The following ASIC2 variants were observed in gnomAD, a reference collection of about 807,000 sequenced individuals.
ASIC2 encodes the protein acid sensing ion channel subunit 2.
Under a neutral mutation model 57.3 loss-of-function variants are expected in ASIC2, and 25 were observed. The observed-to-expected ratio is 0.44, with a 90% CI of 0.32 to 0.61. The LOEUF is 0.61. Among genes scored for constraint, ASIC2 ranks in the 20% least tolerant of loss-of-function variants. The pLI, the probability that ASIC2 is intolerant of heterozygous loss-of-function variation, is 0.06. For missense variants in ASIC2, 641 were observed against 738.1 expected (o/e 0.87, Z 1.52); for synonymous variants, 319 against 307.5 (o/e 1.04, Z -0.39).
At chr17:33,965,208 C>T (rs73276641) in intron 1 of ASIC2, among the ~76,000 whole-genome samples, 11,088 of 152,220 alleles carry the variant, frequency 0.073, 520 homozygotes, top group East Asian at 0.13. Context: ...TATAGATGAG[C>T]AAATCAAGGT....
In ASIC2 at chr17:34,051,223, G is replaced by A. The variant is rs530596724; in HGVS notation, c.555+104755C>T. Reference sequence around the variant, plus strand: ...TCATGGCAGCAAGCAAACTGGTGACGTGTGACTCCTCTTTAATCCTCTTAG... The same window carrying A: ...TCATGGCAGCAAGCAAACTGGTGACATGTGACTCCTCTTTAATCCTCTTAG... On this transcript the variant is annotated intron_variant, in intron 1 of 9. Coordinates refer to the ASIC2 transcript ENST00000359872. 3.9e-5 allele frequency among the ~76,000 whole-genome samples: 6 copies of A among 152,254 alleles called. No homozygotes were observed. The East Asian group carries it at 5.8e-4, about 15-fold the overall frequency.
intron 1 of ASIC2, among the ~76,000 whole-genome samples, chr17:33,246,990 T>C (rs1253560155): frequency 6.6e-6 from 1 of 152,184 alleles, no homozygotes; most frequent in African/African-American, 2.4e-5. Flanking sequence ...AAAAAAGATG[T>C]AGTTAGCTCC....
chr17:34,069,940 A>C (rs1053542436), intron 1 of ASIC2: 2 of 152,150 alleles, frequency 1.3e-5, no homozygotes, highest in Admixed American at 1.3e-4. Flanking sequence ...TCCGTGACTC[A>C]GTGCCCAAAT....
chr17:33,282,030 T>C (rs375137795), intron 1 of ASIC2, among the ~76,000 whole-genome samples: 2 of 152,238 alleles, frequency 1.3e-5, no homozygotes, highest in African/African-American at 4.8e-5. Flanking sequence ...ACTAGATGCA[T>C]GTTTGTTACA....
chr17:34,120,722 C>CTTTTTTTTTTTTTTTTTTT (rs142959293), intron 1 of ASIC2, among the ~76,000 whole-genome samples: 10 of 94,644 alleles, frequency 1.1e-4, no homozygotes, highest in Non-Finnish European at 7.8e-5. Flanking sequence ...TGGGGTCCTT[C>CTTTTTTTTTTTTTTTTTTT]TTTTTTTTTT....
At chr17:33,380,858 C>T (rs1311847978) in intron 1 of ASIC2, among the ~76,000 whole-genome samples, 3 of 152,236 alleles carry the variant, frequency 2.0e-5, no homozygotes, top group Non-Finnish European at 4.4e-5. Flanking sequence ...AAGGTCCAGT[C>T]TCTCTGTGTG....
intron 1 of ASIC2, among the ~76,000 whole-genome samples, chr17:33,831,044 G>A (rs1473602248): frequency 7.1e-6 from 1 of 141,732 alleles, no homozygotes; most frequent in Admixed American, 7.5e-5. Flanking sequence ...GGGAGGTGGA[G>A]GTTGCAATGA....
intron 1 of ASIC2, among the ~76,000 whole-genome samples, chr17:33,915,023 C>T (rs1915554687): frequency 6.6e-6 from 1 of 152,228 alleles, no homozygotes; most frequent in Non-Finnish European, 1.5e-5. Context: ...TAGCACCAAA[C>T]ACAGCTGGCG....
intron 1 of ASIC2, among the ~76,000 whole-genome samples, chr17:34,025,679 C>T (rs1193517466): frequency 3.3e-5 from 5 of 152,186 alleles, no homozygotes; most frequent in African/African-American, 7.2e-5. Flanking sequence ...AGGTTAGGAT[C>T]GGATTTTAGT....
intron 1 of ASIC2, among the ~76,000 whole-genome samples, chr17:33,688,346 A>G (rs1391730022): frequency 6.6e-6 from 1 of 152,214 alleles, no homozygotes; most frequent in East Asian, 1.9e-4. Context: ...GGTGTGTTAC[A>G]AGTAAGTTTT....
chr17:34,027,169 A>G (rs1481348878), intron 1 of ASIC2, among the ~76,000 whole-genome samples: 1 of 152,246 alleles, frequency 6.6e-6, no homozygotes, highest in Non-Finnish European at 1.5e-5. Flanking sequence ...AAAAGTGGCA[A>G]TTTAATAATC....
chr17:33,126,188 G>A (rs569658096), intron 1 of ASIC2, among the ~76,000 whole-genome samples: 21 of 152,318 alleles, frequency 1.4e-4, no homozygotes, highest in African/African-American at 3.6e-4. Context: ...TCACGGACTC[G>A]TGAAGTGCAA....
chr17:33,575,544 T>C (rs1023862461), intron 1 of ASIC2, among the ~76,000 whole-genome samples: 1 of 152,168 alleles, frequency 6.6e-6, no homozygotes, highest in African/African-American at 2.4e-5. Flanking sequence ...TATATGGTGG[T>C]GGTGCTTTGA....
chr17:33,429,422 G>A (rs543730311), intron 1 of ASIC2, among the ~76,000 whole-genome samples: 3 of 151,958 alleles, frequency 2.0e-5, no homozygotes, highest in East Asian at 1.9e-4. Context: ...ACAGAGTCTC[G>A]CTCTGTCGCC....
At chr17:33,578,922 T>A (rs1916746708) in intron 1 of ASIC2, among the ~76,000 whole-genome samples, 1 of 152,094 alleles carries the variant, frequency 6.6e-6, no homozygotes, top group Non-Finnish European at 1.5e-5. Context: ...ATGGATGGGG[T>A]CAGAATTCTC....
chr17:34,111,488 T>C (rs563659308), intron 1 of ASIC2, among the ~76,000 whole-genome samples: 1 of 152,172 alleles, frequency 6.6e-6, no homozygotes, highest in Admixed American at 6.5e-5. Context: ...CACTCTGACA[T>C]TCTACTTACG....
intron 1 of ASIC2, among the ~76,000 whole-genome samples, chr17:33,966,031 T>C (rs1051158716): frequency 2.6e-5 from 4 of 152,332 alleles, no homozygotes; most frequent in Middle Eastern, 3.4e-3. Context: ...AGGCTCTGCA[T>C]AGAGAAGAAG....
At chr17:33,567,150 G>T (rs1916259655) in intron 1 of ASIC2, among the ~76,000 whole-genome samples, 1 of 152,254 alleles carries the variant, frequency 6.6e-6, no homozygotes, top group East Asian at 1.9e-4. Flanking sequence ...CAGGATTGGG[G>T]TGGCTGTGGT....
intron 1 of ASIC2, among the ~76,000 whole-genome samples, chr17:34,147,962 A>G (rs1020430230): frequency 2.6e-5 from 4 of 152,216 alleles, no homozygotes. Flanking sequence ...ATGGGACCAC[A>G]TCTCAGCTCT....
Sources: allele counts gnomAD v4.1 joint callset (sites outside exome capture counted in the v4.1 genomes callset), GRCh38; gene constraint gnomAD v4.1.1; transcripts MANE v1.5; gene names NCBI Gene and HGNC (gene_info 2026-07-23, HGNC 2026-07-21).